WDR5: variants seen among roughly 807,000 people sequenced by gnomAD.
The protein encoded by WDR5 is WD repeat domain 5.
For synonymous variants in WDR5, 144 were observed against 161.6 expected (o/e 0.89, Z 0.83); for missense variants, 187 against 416.9 (o/e 0.45, Z 4.80).
In WDR5 at chr9:134,158,501, T is replaced by A. The variant is rs1227982704; in HGVS notation, c.*508T>A. On this transcript the variant is annotated 3_prime_UTR_variant, in exon 14 of 14. Transcript: ENST00000358625. ...CATTCCCGCCAGTAGCTGTTCCTAG[T>A]GTATTTTCGTCTTTCTGGAAAACAG... 2 of 152,710 alleles carry A rather than the reference T, an allele frequency of 1.3e-5. No homozygotes were observed. Among genetic ancestry groups the A allele is most frequent in the Non-Finnish European group, 2.9e-5 (2 of 68,456 alleles). 9.5% of individuals were successfully genotyped at this position (152,710 alleles called of 1,614,324 possible).
In WDR5 at chr9:134,157,496, C is replaced by T. The variant is rs943960655; in HGVS notation, c.905-397C>T. On this transcript the variant is annotated intron_variant, in intron 13 of 13. Transcript: ENST00000358625. This position sits in a 1 kb window ranked among gnomAD's most constrained non-coding sequence, Gnocchi z 5.0. ...GGTCCGAGGAGAAGAGGGACATTGT[C>T]GATAAAGGACTGAGGACTGTGAGGG... 2.0e-5 allele frequency among the ~76,000 whole-genome samples: 3 copies of T among 152,066 alleles called. No homozygotes were observed. The highest frequency in any genetic ancestry group is 2.9e-5 in the Non-Finnish European group (2 of 68,002).
At chr9:134,151,562 C>T (rs1257490045) in intron 8 of WDR5, among the ~76,000 whole-genome samples, 1 of 152,194 alleles carries the variant, frequency 6.6e-6, no homozygotes, top group Non-Finnish European at 1.5e-5. Flanking sequence ...TTACAATACT[C>T]TTAAATTTTT....
At chr9:134,138,474 T>C (rs775311413) in intron 1 of WDR5, among the ~76,000 whole-genome samples, 1 of 152,218 alleles carries the variant, frequency 6.6e-6, no homozygotes, top group African/African-American at 2.4e-5. Flanking sequence ...TTGGCATGGC[T>C]AGGTTGCACT....
chr9:134,158,686 T>C lies in WDR5; in HGVS notation c.*693T>C, dbSNP rs1832862020. On this transcript the variant is annotated 3_prime_UTR_variant, in exon 14 of 14. Transcript: ENST00000358625. The stretch of plus-strand genomic sequence containing the variant: ...GTAATAAAAGGTGGGGTTTTGTGAA[T>C]GGTTGTGGCAAGTGCGTCCTTGTGA... The C allele has an allele frequency of 6.6e-6, 1 of 152,258 alleles. No individual in the cohort carries two copies. Among genetic ancestry groups the C allele is most frequent in the South Asian group, 2.1e-4 (1 of 4,834 alleles). The allele number at this position is 152,258 out of a possible 1,614,324, so 9.4% of individuals were successfully genotyped here.
rs1448966035 is a variant in WDR5 at position 134,142,239 on chromosome 9, C to T, written c.355-94C>T. On this transcript the variant is annotated intron_variant, in intron 5 of 13. Coordinates refer to ENST00000358625, the MANE Select transcript of WDR5 (RefSeq NM_017588.3). ...AGCAAGTCACTGGCGGGGCATCAGG[C>T]ATGCTTTGGGATGTCAGACATTGAT... 8 of 1,388,696 alleles carry T rather than the reference C, an allele frequency of 5.8e-6. No homozygotes were observed. In the South Asian group the frequency reaches 6.1e-5, roughly 11 times the overall value. 86.0% of individuals were successfully genotyped at this position (1,388,696 alleles called of 1,614,324 possible). A position where few individuals can be genotyped will look rare whatever the true frequency, so the allele number is the denominator to read the frequency against.
intron 7 of WDR5, among the ~76,000 whole-genome samples, chr9:134,145,937 CTTT>C (rs35158770): frequency 7.2e-6 from 1 of 139,384 alleles, no homozygotes; most frequent in Admixed American, 7.1e-5. Flanking sequence ...TTCTTTCTTT[CTTT>C]TTTTTTTTTT....
rs761004326 is a variant in WDR5, at chr9:134,139,969, A to G, written c.81+11A>G. On this transcript the variant is annotated intron_variant, in intron 2 of 13. Transcript: ENST00000358625. ...GCCACTCAGAGCAAGGTGCGTGCCCAGGGGCCCCTTGGACACCTTCCGGGG... is the reference window on the plus strand; with the variant it reads ...GCCACTCAGAGCAAGGTGCGTGCCCGGGGGCCCCTTGGACACCTTCCGGGG... The G allele has an allele frequency of 2.2e-5, 36 of 1,613,518 alleles. No homozygotes were observed. Among genetic ancestry groups the G allele is most frequent in the Non-Finnish European group, 2.8e-5 (33 of 1,179,982 alleles).
chr9:134,158,563 T>C lies in WDR5; in HGVS notation c.*570T>C, dbSNP rs1489642673. 6.6e-6 allele frequency: 1 copy of C among 152,468 alleles called. No homozygotes were observed. Among genetic ancestry groups the C allele is most frequent in the Non-Finnish European group, 1.5e-5 (1 of 68,216 alleles). The allele number at this position is 152,468 out of a possible 1,614,324, so 9.4% of individuals were successfully genotyped here. A position where few individuals can be genotyped will look rare whatever the true frequency, so the allele number is the denominator to read the frequency against. On this transcript the variant is annotated 3_prime_UTR_variant, in exon 14 of 14. Transcript: ENST00000358625. ...TGTTTTCTGTGTAAAGAGCCGTTTG[T>C]GTCTTGGGAGTTTGTGGCCCACATG...
chr9:134,137,085 T>C (rs1029664654), intron 1 of WDR5, among the ~76,000 whole-genome samples: 1 of 152,112 alleles, frequency 6.6e-6, no homozygotes, highest in Non-Finnish European at 1.5e-5. Flanking sequence ...CAGTATGCTT[T>C]TCTGACTGCA....
chr9:134,142,800 G>A, intron 7 of WDR5, 81 bp downstream of exon 7: 1 of 1,454,586 alleles, frequency 6.9e-7, no homozygotes, highest in Admixed American at 1.7e-5. Flanking sequence ...TCTCCCTGAG[G>A]GGCGTAAGCC....
At chr9:134,137,062 C>G (rs961443130) in intron 1 of WDR5, among the ~76,000 whole-genome samples, 1 of 152,170 alleles carries the variant, frequency 6.6e-6, no homozygotes, top group Non-Finnish European at 1.5e-5. Context: ...AGATTAATTC[C>G]TGTCTTTGCA....
intron 7 of WDR5, among the ~76,000 whole-genome samples, chr9:134,146,960 G>C (rs1282211102): frequency 1.3e-5 from 2 of 152,212 alleles, no homozygotes; most frequent in African/African-American, 4.8e-5. Flanking sequence ...GAACATCTAG[G>C]GCTGCAGTAC....
At position 134,158,074 on chromosome 9, in the gene WDR5, C is replaced by T. The variant is rs992537687; in HGVS notation, c.*81C>T. On this transcript the variant is annotated 3_prime_UTR_variant, in exon 14 of 14. Transcript: ENST00000358625. ...AAACAGGGTGTCTTGGAGGTGGTCC[C>T]CCAGATCTGCGCCTGGGGGTCAGGA... 3 of 1,305,264 alleles carry T rather than the reference C, an allele frequency of 2.3e-6. No homozygotes were observed. In the East Asian group the frequency reaches 7.0e-5, roughly 30 times the overall value. 80.9% of individuals were successfully genotyped at this position (1,305,264 alleles called of 1,614,324 possible).
chr9:134,156,025 T>C (rs1297127833), intron 12 of WDR5, among the ~76,000 whole-genome samples: 1 of 152,230 alleles, frequency 6.6e-6, no homozygotes, highest in East Asian at 1.9e-4. Flanking sequence ...CCGAGGGCGC[T>C]GGGACCCAAC....
rs201670862 is a variant in WDR5, at chr9:134,142,736, C to T, written c.528+17C>T. The T allele has an allele frequency of 1.0e-3, 1,660 of 1,613,288 alleles. 12 individuals are homozygous for T. The highest frequency in any genetic ancestry group is 9.4e-3 in the South Asian group (856 of 91,056). ...GTCTCGGCCGTAAGTCCCTCTGACA[C>T]GGATGGGGTGGTGTCCAGCACTACG... On this transcript the variant is annotated intron_variant, in intron 7 of 13. Transcript: ENST00000358625.
chr9:134,148,270 C>T lies in WDR5; in HGVS notation c.529-18C>T. ...TGAAAGTAAGTTTTTGTCTCTTCTT[C>T]CTCTCCTTAATTCCTAGGTTCATTT... On this transcript the variant is annotated intron_variant, in intron 7 of 13. Coordinates refer to ENST00000358625, the MANE Select transcript of WDR5 (RefSeq NM_017588.3). The T allele has an allele frequency of 6.6e-7, 1 of 1,513,910 alleles. No individual in the cohort carries two copies. The allele number at this position is 1,513,910 out of a possible 1,614,324, so 93.8% of individuals were successfully genotyped here.
intron 7 of WDR5, among the ~76,000 whole-genome samples, chr9:134,147,461 A>G (rs1406440682): frequency 1.3e-5 from 2 of 152,172 alleles, no homozygotes; most frequent in Non-Finnish European, 2.9e-5. Flanking sequence ...TGTCAGAGCT[A>G]TAGGCATCTA....
At chr9:134,137,405 C>T (rs927022726) in intron 1 of WDR5, among the ~76,000 whole-genome samples, 1 of 151,998 alleles carries the variant, frequency 6.6e-6, no homozygotes, top group Admixed American at 6.6e-5. Flanking sequence ...AGCCTTGGCC[C>T]GGCGCGGTGG....
At chr9:134,155,447 C>T in intron 11 of WDR5, 74 bp downstream of exon 11, 1 of 1,517,976 alleles carries the variant, frequency 6.6e-7, no homozygotes, top group South Asian at 1.3e-5. Flanking sequence ...ACAGAGCTGG[C>T]CCCGGTGATG....
Sources: allele counts gnomAD v4.1 joint callset (sites outside exome capture counted in the v4.1 genomes callset), GRCh38; gene constraint gnomAD v4.1.1; non-coding constraint Gnocchi (gnomAD v3.1); transcripts MANE v1.5; gene names NCBI Gene and HGNC (gene_info 2026-07-23, HGNC 2026-07-21).